DGKB: variants seen among roughly 807,000 people sequenced by gnomAD.
DGKB encodes the protein 90 kDa diacylglycerol kinase.
A neutral mutation model predicts 114.3 loss-of-function variants in DGKB; 67 were observed. The observed-to-expected ratio is 0.59, with a 90% CI of 0.48 to 0.72. The LOEUF is 0.72. Ranked by LOEUF, DGKB falls within the 30% of genes least tolerant of loss-of-function variation. DGKB has a pLI of 0.00. For synonymous variants in DGKB, 398 were observed against 323.1 expected, an observed-to-expected ratio of 1.23 and a Z score of -2.49; for missense variants, 907 against 975.2, an observed-to-expected ratio of 0.93 and a Z score of 0.93.
At chr7:14,514,222 T>C (rs1367818124) in intron 20 of DGKB, among the ~76,000 whole-genome samples, 5 of 152,092 alleles carry the variant, frequency 3.3e-5, no homozygotes, top group African/African-American at 1.2e-4. Flanking sequence ...TATTTGATTT[T>C]CTTGTTGAAC....
intron 23 of DGKB, among the ~76,000 whole-genome samples, chr7:14,253,396 A>T (rs1795524096): frequency 6.6e-6 from 1 of 152,082 alleles, no homozygotes; most frequent in South Asian, 2.1e-4. Context: ...TCTTGCTGTC[A>T]CTTGAGGAGT....
At chr7:14,632,543 A>C (rs554952636) in intron 13 of DGKB, among the ~76,000 whole-genome samples, 10 of 152,012 alleles carry the variant, frequency 6.6e-5, no homozygotes, top group Admixed American at 5.3e-4. Context: ...TGAGAGAAGA[A>C]AGTTCTTTCT....
At chr7:14,811,408 C>T (rs1843416066) in intron 2 of DGKB, among the ~76,000 whole-genome samples, 1 of 152,076 alleles carries the variant, frequency 6.6e-6, no homozygotes, top group Non-Finnish European at 1.5e-5. Context: ...TGAAGTTGCT[C>T]TCAGTTTTAA....
At chr7:14,861,116 T>G (rs554035979) in intron 1 of DGKB, among the ~76,000 whole-genome samples, 9 of 151,974 alleles carry the variant, frequency 5.9e-5, no homozygotes, top group Non-Finnish European at 1.0e-4. Flanking sequence ...ATCTGGCATA[T>G]GTGTGTAATA....
intron 2 of DGKB, among the ~76,000 whole-genome samples, chr7:14,789,357 T>A (rs1257967949): frequency 1.3e-5 from 2 of 152,180 alleles, no homozygotes; most frequent in African/African-American, 4.8e-5. Context: ...CATCTGTTCT[T>A]CATTTCTATA....
chr7:14,611,541 T>C (rs1023447549), intron 16 of DGKB, among the ~76,000 whole-genome samples: 10 of 152,252 alleles, frequency 6.6e-5, no homozygotes, highest in African/African-American at 2.2e-4. Flanking sequence ...TATGTTTGCA[T>C]TGAAAACAGA....
intron 23 of DGKB, among the ~76,000 whole-genome samples, chr7:14,270,975 T>G (rs1798183070): frequency 6.6e-6 from 1 of 152,208 alleles, no homozygotes; most frequent in South Asian, 2.1e-4. Context: ...TAATAATATC[T>G]TCTTTCCCAT....
chr7:14,164,997 C>T (rs2128228482), intron 25 of DGKB, among the ~76,000 whole-genome samples: 1 of 152,190 alleles, frequency 6.6e-6, no homozygotes, highest in East Asian at 1.9e-4. Context: ...AAATAACTCT[C>T]CAAAGTCCAG....
chr7:14,785,190 A>G (rs1839701607), intron 2 of DGKB, among the ~76,000 whole-genome samples: 1 of 152,198 alleles, frequency 6.6e-6, no homozygotes, highest in Non-Finnish European at 1.5e-5. Context: ...AAATATAAAG[A>G]AAAAGTAATG....
At chr7:14,761,028 GT>G (rs1835610500) in intron 2 of DGKB, among the ~76,000 whole-genome samples, 1 of 152,134 alleles carries the variant, frequency 6.6e-6, no homozygotes, top group African/African-American at 2.4e-5. Context: ...AAGTGCTCTA[GT>G]TGATATTCAG....
chr7:14,168,797 A>G (rs191102640), intron 25 of DGKB, among the ~76,000 whole-genome samples: 1 of 152,374 alleles, frequency 6.6e-6, no homozygotes, highest in Non-Finnish European at 1.5e-5. Flanking sequence ...ACAGGAGTAC[A>G]AAGGATCAGG....
chr7:14,224,435 G>A lies in DGKB; in HGVS notation c.2123-46284C>T, dbSNP rs764627542. Among the ~76,000 whole-genome samples, 59 of 151,694 alleles carry A rather than the reference G, an allele frequency of 3.9e-4. 1 individual carries two copies. The highest frequency in any genetic ancestry group is 7.9e-4 in the Admixed American group (12 of 15,166). On this transcript the variant is annotated intron_variant, in intron 23 of 25. Transcript: ENST00000402815. ...ACTTTAATCATGATTTCTTACTTCT[G>A]TGTACTTATAATGGCTAATTTGAAG...
chr7:14,942,835 C>A (rs1460549276), intron 1 of DGKB, among the ~76,000 whole-genome samples: 1 of 151,996 alleles, frequency 6.6e-6, no homozygotes. Flanking sequence ...ATACCTTTTG[C>A]ATTTCACTTG....
At chr7:14,332,719 G>A (rs1012282166) in intron 23 of DGKB, among the ~76,000 whole-genome samples, 2 of 152,146 alleles carry the variant, frequency 1.3e-5, no homozygotes, top group South Asian at 4.1e-4. Flanking sequence ...ATTCATCCAT[G>A]TACCCACTAA....
intron 20 of DGKB, among the ~76,000 whole-genome samples, chr7:14,570,989 C>T (rs6949687): frequency 0.52 from 78,372 of 151,882 alleles, 20,314 homozygotes; most frequent in East Asian, 0.61. Context: ...GGTGTTGTCC[C>T]ATGCAGTAAG....
chr7:14,685,938 A>G (rs1287591559), intron 9 of DGKB, among the ~76,000 whole-genome samples: 1 of 152,146 alleles, frequency 6.6e-6, no homozygotes, highest in Non-Finnish European at 1.5e-5. Context: ...CTATATTCCA[A>G]TTTATATTAA....
chr7:14,511,857 G>A (rs547282742), intron 20 of DGKB, among the ~76,000 whole-genome samples: 47 of 152,118 alleles, frequency 3.1e-4, no homozygotes, highest in Middle Eastern at 3.4e-3. Context: ...AGAAGAAGGC[G>A]AAACAGAGGA....
At chr7:14,177,339 G>A (rs1355519866) in intron 24 of DGKB, among the ~76,000 whole-genome samples, 1 of 151,878 alleles carries the variant, frequency 6.6e-6, no homozygotes, top group Non-Finnish European at 1.5e-5. Flanking sequence ...GGCAGATCAC[G>A]AGGTCAGTAG....
intron 5 of DGKB, among the ~76,000 whole-genome samples, chr7:14,729,960 G>C (rs1043028120): frequency 6.6e-6 from 1 of 152,046 alleles, no homozygotes; most frequent in Non-Finnish European, 1.5e-5. Context: ...TTTAAAGGGG[G>C]CTAGGAAAAT....
Sources: allele counts gnomAD v4.1 joint callset (sites outside exome capture counted in the v4.1 genomes callset), GRCh38; gene constraint gnomAD v4.1.1; transcripts MANE v1.5; gene names NCBI Gene and HGNC (gene_info 2026-07-23, HGNC 2026-07-21).